Variants in OTOGL observed in about 807,000 individuals in gnomAD.
OTOGL encodes otogelin like, also known as otogelin-like protein.
In OTOGL, 285 loss-of-function variants were observed where a neutral mutation model predicts 318.5. The observed-to-expected ratio is 0.89, with a 90% CI of 0.81 to 0.99. The LOEUF is 0.99. Ranked by LOEUF, OTOGL falls within the 50% of genes least tolerant of loss-of-function variation. The pLI is 0.00. For synonymous variants in OTOGL, 987 were observed against 936.5 expected (o/e 1.05, Z -0.99); for missense variants, 2,899 against 2,845.6 (o/e 1.02, Z -0.43).
intron 48 of OTOGL, 125 bp from the exon 49 acceptor site, chr12:80,356,682 G>GTATATA: frequency 1.7e-6 from 1 of 592,484 alleles, no homozygotes; most frequent in East Asian, 3.2e-5. Context: ...TCATATATAT[G>GTATATA]TATATATATA....
chr12:80,236,875 C>T (rs1207114515), intron 9 of OTOGL, among the ~76,000 whole-genome samples: 5 of 145,708 alleles, frequency 3.4e-5, no homozygotes, highest in African/African-American at 5.1e-5. Context: ...AGTGCAGTGG[C>T]GCGATCTTGG....
Position 80,253,448 on chromosome 12 carries a change from G to A in OTOGL, c.1286-18G>A. On this transcript the variant is annotated intron_variant, in intron 13 of 58. Transcript: ENST00000547103. ...ATTATTTCTTTTGAAATTTTGATGT[G>A]TATTTCTTCTCAATTAGGCCTCGTA... The A allele has an allele frequency of 6.3e-7, 1 of 1,583,116 alleles. No homozygotes were observed. Among genetic ancestry groups the A allele is most frequent in the Non-Finnish European group, 8.7e-7 (1 of 1,152,396 alleles).
chr12:80,181,154 G>A (rs1303476295), intron 1 of OTOGL, among the ~76,000 whole-genome samples: 1 of 152,154 alleles, frequency 6.6e-6, no homozygotes, highest in African/African-American at 2.4e-5. Flanking sequence ...ATTACAATTA[G>A]TTTAGATCCT....
intron 36 of OTOGL, 36 bp downstream of exon 36, chr12:80,328,780 T>C (rs759335078): frequency 3.3e-6 from 5 of 1,523,464 alleles, no homozygotes; most frequent in Admixed American, 1.7e-5. Context: ...CTCTGAAAAA[T>C]TATACGCTTG....
At position 80,265,087 on chromosome 12, in the gene OTOGL, C is replaced by T. The variant is rs1430520595; in HGVS notation, c.2101C>T (p.Leu701=). Residue 701 remains leucine, a synonymous_variant, in exon 20 of 59, where the codon CTA becomes TTA. Coordinates refer to ENST00000547103, the MANE Select transcript of OTOGL (RefSeq NM_001378609.3). The stretch of plus-strand genomic sequence containing the variant: ...TATTAGCCCTGGGCTGTACTATCAG[C>T]TATGCCGCCACGATGCATGCAAGTG... ...IYISPGLYYQ[L]CRHDACKCGS... 6.2e-7 allele frequency: 1 copy of T among 1,613,916 alleles called. No individual in the cohort carries two copies. The highest frequency in any genetic ancestry group is 8.5e-7 in the Non-Finnish European group (1 of 1,179,870).
intron 32 of OTOGL, among the ~76,000 whole-genome samples, chr12:80,317,685 C>T (rs1887059189): frequency 6.6e-6 from 1 of 152,030 alleles, no homozygotes; most frequent in Non-Finnish European, 1.5e-5. Flanking sequence ...TTGTCACTTT[C>T]CTCTTGTCCA....
chr12:80,146,977 C>G (rs552345501), intron 1 of OTOGL, among the ~76,000 whole-genome samples: 1 of 152,020 alleles, frequency 6.6e-6, no homozygotes, highest in Admixed American at 6.5e-5. Context: ...TGCTAGTTGT[C>G]TATTTTGTTG....
chr12:80,363,682 T>C (rs1045267775), intron 52 of OTOGL, among the ~76,000 whole-genome samples: 7 of 152,164 alleles, frequency 4.6e-5, no homozygotes, highest in Admixed American at 3.9e-4. Context: ...GAGGTCCTGG[T>C]ATTTGACTTG....
At chr12:80,104,534 T>G (rs1303676340) in intron 1 of OTOGL, among the ~76,000 whole-genome samples, 1 of 152,026 alleles carries the variant, frequency 6.6e-6, no homozygotes, top group Non-Finnish European at 1.5e-5. Context: ...ACTTAATAAT[T>G]GAGTGGATAC....
At chr12:80,309,402 T>C (rs891288027) in intron 29 of OTOGL, among the ~76,000 whole-genome samples, 1 of 152,130 alleles carries the variant, frequency 6.6e-6, no homozygotes, top group Non-Finnish European at 1.5e-5. Flanking sequence ...AAGTGAAATT[T>C]ATGGGAAAGA....
In OTOGL at chr12:80,212,449, C is replaced by T. The variant is rs559055536; in HGVS notation, c.168+452C>T. On this transcript the variant is annotated intron_variant, in intron 4 of 58. Transcript: ENST00000547103. ...TCCTGACAGAAAGTTTTTATAATGT[C>T]TGATAAATCTAAATTGTGGGTGTCT... is the stretch of plus-strand genomic sequence containing the variant. 4.6e-5 allele frequency among the ~76,000 whole-genome samples: 7 copies of T among 152,284 alleles called. No homozygotes were observed. In the South Asian group the frequency reaches 1.0e-3, roughly 23 times the overall value.
intron 47 of OTOGL, 79 bp downstream of exon 47, chr12:80,356,027 A>G: frequency 7.0e-7 from 1 of 1,430,388 alleles, no homozygotes; most frequent in Non-Finnish European, 9.7e-7. Context: ...GAGCATATAT[A>G]ATGCTTTGTA....
chr12:80,353,761 A>AT lies in OTOGL; in HGVS notation c.5593+253dup, dbSNP rs1889707133. Among the ~76,000 whole-genome samples, 3 of 152,186 alleles carry AT rather than the reference A, an allele frequency of 2.0e-5. No homozygotes were observed. In the South Asian group the frequency reaches 6.2e-4, roughly 31 times the overall value. ...TGAGAAAAAGCATGGGAAATCAAGA[A>AT]TTAAGAGTGTGGATTATGGACTGAA... On this transcript the variant is annotated intron_variant, in intron 46 of 58. Transcript: ENST00000547103.
At chr12:80,285,670 C>T (rs371790184) in intron 26 of OTOGL, among the ~76,000 whole-genome samples, 1 of 151,836 alleles carries the variant, frequency 6.6e-6, no homozygotes, top group Non-Finnish European at 1.5e-5. Context: ...TAATTTGGTT[C>T]TCTGTTTATT....
chr12:80,316,359 G>A (rs1447908756), intron 32 of OTOGL, among the ~76,000 whole-genome samples: 1 of 152,116 alleles, frequency 6.6e-6, no homozygotes, highest in Non-Finnish European at 1.5e-5. Flanking sequence ...ATCTCCATCT[G>A]TGCCTTTGTA....
At chr12:80,253,877 G>C (rs1485638815) in intron 14 of OTOGL, among the ~76,000 whole-genome samples, 3 of 151,912 alleles carry the variant, frequency 2.0e-5, no homozygotes, top group Admixed American at 1.3e-4. Flanking sequence ...GTGCTTCTGG[G>C]CTTCTCTGTT....
chr12:80,271,338 G>C (rs1214984546), intron 23 of OTOGL, among the ~76,000 whole-genome samples: 1 of 152,048 alleles, frequency 6.6e-6, no homozygotes, highest in Non-Finnish European at 1.5e-5. Context: ...ACAATGACTT[G>C]AGGTGAAGCA....
chr12:80,147,540 G>T (rs925769361), intron 1 of OTOGL, among the ~76,000 whole-genome samples: 18 of 151,722 alleles, frequency 1.2e-4, no homozygotes, highest in African/African-American at 4.4e-4. Flanking sequence ...TGGTGATTTG[G>T]GGTGGAGAGT....
intron 26 of OTOGL, among the ~76,000 whole-genome samples, chr12:80,289,043 C>A (rs934305953): frequency 6.6e-6 from 1 of 152,098 alleles, no homozygotes; most frequent in African/African-American, 2.4e-5. Flanking sequence ...GATTTATCTA[C>A]CTTTGATCTT....
Sources: allele counts gnomAD v4.1 joint callset (sites outside exome capture counted in the v4.1 genomes callset), GRCh38; gene constraint gnomAD v4.1.1; transcripts MANE v1.5; gene names NCBI Gene and HGNC (gene_info 2026-07-23, HGNC 2026-07-21).